Variants in TMEM132B observed in about 807,000 individuals in gnomAD.
The protein encoded by TMEM132B is transmembrane protein 132B.
In TMEM132B, 18 loss-of-function variants were observed where a neutral mutation model predicts 90.8. The observed-to-expected ratio is 0.20, with a 90% CI of 0.14 to 0.29. The LOEUF is 0.29. Among genes scored for constraint, TMEM132B ranks in the 10% least tolerant of loss-of-function variants. The probability of loss-of-function intolerance (pLI) is 1.00; values close to 1 mark genes in which losing one functional copy is unlikely to be tolerated. For missense variants in TMEM132B, 1,096 were observed against 1,326.8 expected, an observed-to-expected ratio of 0.83 and a Z score of 2.70; for synonymous variants, 504 against 523.3, an observed-to-expected ratio of 0.96 and a Z score of 0.50.
intron 2 of TMEM132B, among the ~76,000 whole-genome samples, chr12:125,387,380 G>T (rs1346775748): frequency 6.6e-6 from 1 of 152,146 alleles, no homozygotes; most frequent in Non-Finnish European, 1.5e-5. Context: ...AGAATAGTTG[G>T]GTCTCTTATC....
chr12:125,604,715 C>T (rs1483859427), intron 5 of TMEM132B, among the ~76,000 whole-genome samples: 1 of 152,184 alleles, frequency 6.6e-6, no homozygotes, highest in Non-Finnish European at 1.5e-5. Context: ...AGCATATTCT[C>T]CTGTAGAGGA....
chr12:125,346,336 T>C (rs1408681105), intron 1 of TMEM132B, among the ~76,000 whole-genome samples: 1 of 152,236 alleles, frequency 6.6e-6, no homozygotes, highest in Non-Finnish European at 1.5e-5. Context: ...CTTTTCCTTA[T>C]TTGTAAATAA....
chr12:125,429,938 G>T (rs1005512586), intron 3 of TMEM132B, among the ~76,000 whole-genome samples: 14 of 152,320 alleles, frequency 9.2e-5, no homozygotes, highest in African/African-American at 3.4e-4. Context: ...AAGGGGTGGG[G>T]AGTTATGCTC....
intron 4 of TMEM132B, among the ~76,000 whole-genome samples, chr12:125,577,185 A>T (rs1319988104): frequency 2.0e-5 from 3 of 151,850 alleles, no homozygotes; most frequent in African/African-American, 7.2e-5. Context: ...TAGATATTGA[A>T]ATTCCAATTT....
chr12:125,488,929 C>G (rs570300246), intron 3 of TMEM132B, among the ~76,000 whole-genome samples: 1 of 152,118 alleles, frequency 6.6e-6, no homozygotes, highest in Non-Finnish European at 1.5e-5. Flanking sequence ...ACTCAACATT[C>G]GTAGATGAAA....
chr12:125,391,480 T>G (rs374109910), intron 2 of TMEM132B, among the ~76,000 whole-genome samples: 10 of 152,170 alleles, frequency 6.6e-5, no homozygotes, highest in African/African-American at 2.4e-4. Flanking sequence ...TGGATCTGAG[T>G]AGATGGGACA....
At chr12:125,312,760 T>A (rs1026985606) in intron 1 of TMEM132B, among the ~76,000 whole-genome samples, 26 of 152,192 alleles carry the variant, frequency 1.7e-4, no homozygotes, top group Admixed American at 3.3e-4. Context: ...AGGTGTGAAT[T>A]CAGAGTTGGC....
chr12:125,598,108 T>G (rs1420080033), intron 5 of TMEM132B, among the ~76,000 whole-genome samples: 1 of 152,142 alleles, frequency 6.6e-6, no homozygotes, highest in Non-Finnish European at 1.5e-5. Flanking sequence ...CTGTGTTTGA[T>G]CAGAACCCTA....
chr12:125,545,548 C>T (rs1315557044), intron 4 of TMEM132B, among the ~76,000 whole-genome samples: 2 of 152,236 alleles, frequency 1.3e-5, no homozygotes, highest in East Asian at 1.9e-4. Context: ...AGATTTGGTG[C>T]TGACACCGTC....
intron 1 of TMEM132B, among the ~76,000 whole-genome samples, chr12:125,189,616 C>T (rs1453979778): frequency 6.6e-6 from 1 of 152,132 alleles, no homozygotes; most frequent in African/African-American, 2.4e-5. Flanking sequence ...TCGCCTTCTC[C>T]AGTGATTTAA....
intron 2 of TMEM132B, among the ~76,000 whole-genome samples, chr12:125,376,381 A>G (rs1031367326): frequency 4.6e-5 from 7 of 152,180 alleles, no homozygotes; most frequent in African/African-American, 7.2e-5. Flanking sequence ...AATAATACAG[A>G]TGGTACCCAT....
intron 1 of TMEM132B, among the ~76,000 whole-genome samples, chr12:125,271,834 T>TATTCTC (rs1452659495): frequency 4.6e-5 from 7 of 152,190 alleles, no homozygotes; most frequent in African/African-American, 1.4e-4. Flanking sequence ...TCTCTGGCTA[T>TATTCTC]TGTAAAAAAT....
chr12:125,421,878 A>C (rs1221937674), intron 3 of TMEM132B, among the ~76,000 whole-genome samples: 1 of 152,242 alleles, frequency 6.6e-6, no homozygotes, highest in East Asian at 1.9e-4. Context: ...AAGGATTCTT[A>C]TTCAAGTTTA....
rs1877730104 is a variant in TMEM132B at position 125,355,283 on chromosome 12, A to G, written c.959+4940A>G. Among the ~76,000 whole-genome samples the G allele has an allele frequency of 2.6e-5, 4 of 152,164 alleles. No individual in the cohort carries two copies. The South Asian group carries it at 8.3e-4, about 32-fold the overall frequency. ...GGGGTTGGTCACCAGCACTTGCATT[A>G]GCAGAGACTCAAAGGCAGGCAGAGG... On this transcript the variant is annotated intron_variant, in intron 2 of 8. Coordinates refer to ENST00000682704, the MANE Select transcript of TMEM132B (RefSeq NM_001366854.1).
chr12:125,537,292 A>G (rs1883830767), intron 4 of TMEM132B, among the ~76,000 whole-genome samples: 1 of 152,252 alleles, frequency 6.6e-6, no homozygotes, highest in African/African-American at 2.4e-5. Context: ...TAAGCATTAA[A>G]AACATTTCCC....
chr12:125,401,853 A>C (rs1879330656), intron 2 of TMEM132B, among the ~76,000 whole-genome samples: 1 of 152,160 alleles, frequency 6.6e-6, no homozygotes, highest in Non-Finnish European at 1.5e-5. Flanking sequence ...TTGAGAAATG[A>C]AATAAAGATT....
In TMEM132B at chr12:125,431,868, G is replaced by T. The variant is rs150003910; in HGVS notation, c.1106+16191G>T. 3.5e-4 allele frequency among the ~76,000 whole-genome samples: 53 copies of T among 152,238 alleles called. 1 individual carries two copies. In the East Asian group the frequency reaches 7.5e-3, roughly 22 times the overall value. On this transcript the variant is annotated intron_variant, in intron 3 of 8. Transcript: ENST00000682704. ...CAGCCATTGGTCATGGGATTCTTAG[G>T]GCTTGCAGTCTGAAGCCTGGGGACT...
chr12:125,391,911 C>T (rs147593400), intron 2 of TMEM132B, among the ~76,000 whole-genome samples: 1,607 of 152,128 alleles, frequency 0.011, 16 homozygotes, highest in Admixed American at 0.016. Context: ...GGACTACAGG[C>T]ACACACCACC....
intron 4 of TMEM132B, among the ~76,000 whole-genome samples, chr12:125,577,412 A>G: frequency 6.6e-6 from 1 of 151,336 alleles, no homozygotes; most frequent in Non-Finnish European, 1.5e-5. Flanking sequence ...AAATTTTTCC[A>G]AGTAACTTAC....
Sources: gnomAD v4.1 joint callset for allele counts (sites outside exome capture counted in the v4.1 genomes callset) on GRCh38, gnomAD v4.1.1 for gene constraint, MANE v1.5 for transcripts, NCBI Gene and HGNC (gene_info 2026-07-23, HGNC 2026-07-21) for gene names.